The following KIF1A variants were observed in gnomAD, a reference collection of about 807,000 sequenced individuals.
KIF1A encodes the protein kinesin-like protein KIF1A.
In KIF1A, 46 loss-of-function variants were observed where a neutral mutation model predicts 227.3. The observed-to-expected ratio is 0.20, with a 90% CI of 0.16 to 0.26. The LOEUF (loss-of-function observed/expected upper bound fraction) is 0.26, where lower values mean the gene tolerates loss of function less well. KIF1A is among the 10% of genes least tolerant of loss of function. KIF1A has a pLI of 1.00. For missense variants in KIF1A, 1,683 were observed against 2,485.9 expected (o/e 0.68, Z 6.87); for synonymous variants, 1,022 against 1,012.8 (o/e 1.01, Z -0.17).
At chr2:240,769,740 G>C (rs2051697813) in intron 15 of KIF1A, 34 bp from the exon 16 acceptor site, 8 of 1,572,574 alleles carry the variant, frequency 5.1e-6, no homozygotes, top group Non-Finnish European at 7.0e-6. Context: ...TGAGCTGCCG[G>C]GGCTAGGGCC....
At chr2:240,731,253 CATGCCAGATGCCAGGT>C (rs937985836) in intron 38 of KIF1A, among the ~76,000 whole-genome samples, 1 of 151,252 alleles carries the variant, frequency 6.6e-6, no homozygotes, top group Non-Finnish European at 1.5e-5. Context: ...GGATGGTGGG[CATGCCAGATGCCAGGT>C]ATGCCAGATG....
chr2:240,771,204 GCAGA>G (rs757905677), intron 14 of KIF1A, 100 bp from the exon 15 acceptor site: 3 of 1,436,066 alleles, frequency 2.1e-6, no homozygotes, highest in South Asian at 1.2e-5. Flanking sequence ...GGTAGGGCGG[GCAGA>G]CAGACAGAGG....
rs768001154 is a variant in KIF1A, at chr2:240,760,811, T to C, written c.2298A>G (p.Thr766=). The C allele has an allele frequency of 3.7e-6, 6 of 1,605,858 alleles. No homozygotes were observed. In the East Asian group the frequency reaches 1.1e-4, roughly 30 times the overall value. The change falls in exon 25 of 49, where the codon ACA becomes ACG. Residue 766 remains threonine (T), a synonymous_variant. Coordinates refer to ENST00000498729, the MANE Select transcript of KIF1A (RefSeq NM_001244008.2). ...VQFQFVLLTD[T]LYSPLPPDLL... is the part of the protein sequence containing the mutation. ...GGTCGGGTGGCAGAGGGGAGTAGAGTGTGTCCGTCAGGAGGACAAACTGGA... is the reference window on the plus strand; with the variant it reads ...GGTCGGGTGGCAGAGGGGAGTAGAGCGTGTCCGTCAGGAGGACAAACTGGA...
intron 1 of KIF1A, among the ~76,000 whole-genome samples, chr2:240,805,733 T>C (rs1419815607): frequency 1.3e-5 from 2 of 152,194 alleles, no homozygotes; most frequent in East Asian, 3.8e-4. Flanking sequence ...TACTAGACCA[T>C]AAAGCAACTC....
At chr2:240,805,934 T>C (rs754427379) in intron 1 of KIF1A, among the ~76,000 whole-genome samples, 2 of 152,208 alleles carry the variant, frequency 1.3e-5, no homozygotes, top group Non-Finnish European at 2.9e-5. Context: ...AAAACACTAA[T>C]AGCAAAACAT....
chr2:240,774,391 A>ACCTCCCCCC (rs2052460351), intron 11 of KIF1A, 130 bp from the exon 12 acceptor site: 1 of 253,672 alleles, frequency 3.9e-6, no homozygotes, highest in African/African-American at 4.0e-5. Flanking sequence ...TCACAGGCTT[A>ACCTCCCCCC]CCCCCCCCCC....
chr2:240,794,201 C>T (rs1349918173), intron 2 of KIF1A, among the ~76,000 whole-genome samples: 2 of 152,226 alleles, frequency 1.3e-5, no homozygotes, highest in African/African-American at 4.8e-5. Context: ...TAGGGGACAT[C>T]CTTCTCTCCT....
intron 27 of KIF1A, among the ~76,000 whole-genome samples, chr2:240,756,865 CAGG>C (rs1387387950): frequency 6.6e-6 from 1 of 152,248 alleles, no homozygotes; most frequent in African/African-American, 2.4e-5. Context: ...TGTTGATTCC[CAGG>C]AGAATGACAG....
Position 240,723,997 on chromosome 2 carries a change from G to C in KIF1A, c.4296C>G (p.His1432Gln). Residue 1432 changes from histidine to glutamine, a missense_variant, in exon 41 of 49, where the codon CAC becomes CAG. Physicochemically the swap from His to Gln is conservative, Grantham distance 24. This residue lies in a region of KIF1A where 759 missense variants were observed against 1,020.2 expected (regional missense o/e 0.74). Transcript: ENST00000498729. ...VTGVYELSLC[H>Q]VADAGSPGMQ... ...TACCTGGGCTGCCCGCGTCAGCCACGTGGCACAGGCTGAGCTCGTACACAC... is the reference window on the plus strand; with the variant it reads ...TACCTGGGCTGCCCGCGTCAGCCACCTGGCACAGGCTGAGCTCGTACACAC... The C allele has an allele frequency of 6.2e-7, 1 of 1,612,548 alleles. No individual in the cohort carries two copies. The highest frequency in any genetic ancestry group is 8.5e-7 in the Non-Finnish European group (1 of 1,179,754).
rs1261997850 is a variant in KIF1A at position 240,758,309 on chromosome 2, A to ATC, written c.2582+49_2582+50dup. 26 of 1,568,444 alleles carry ATC rather than the reference A, an allele frequency of 1.7e-5. No individual in the cohort carries two copies. The highest frequency in any genetic ancestry group is 1.4e-4 in the Admixed American group (8 of 56,486). ...AGGGCCCACTCCTACCCCCACTGCC[A>ATC]TCTCTCTCTCTCAATCTCTCTCTCT... On this transcript the variant is annotated intron_variant, in intron 26 of 48. Coordinates refer to ENST00000498729, the MANE Select transcript of KIF1A (RefSeq NM_001244008.2). This position sits in a 1 kb window ranked among gnomAD's most constrained non-coding sequence, Gnocchi z 5.2.
intron 27 of KIF1A, among the ~76,000 whole-genome samples, chr2:240,755,127 G>A (rs2125853308): frequency 6.6e-6 from 1 of 152,316 alleles, no homozygotes; most frequent in Admixed American, 6.5e-5. Context: ...ATGGGCAGTG[G>A]TCACCAACCC....
At chr2:240,794,437 C>T (rs528898737) in intron 2 of KIF1A, among the ~76,000 whole-genome samples, 202 of 152,316 alleles carry the variant, frequency 1.3e-3, no homozygotes, top group African/African-American at 4.7e-3. Flanking sequence ...TGCCCTTTAC[C>T]CACACACGGC....
intron 31 of KIF1A, 34 bp from the exon 32 acceptor site, chr2:240,745,551 G>T: frequency 6.4e-7 from 1 of 1,565,904 alleles, no homozygotes. Flanking sequence ...GGTGTGGGGT[G>T]GGGGACTTGG....
intron 48 of KIF1A, 118 bp from the exon 49 acceptor site, chr2:240,717,524 T>G (rs983015531): frequency 1.5e-4 from 129 of 877,202 alleles, no homozygotes; most frequent in Non-Finnish European, 2.0e-4. Flanking sequence ...ATGTCCCCGC[T>G]GGTTCCCTCA....
rs1529663 is a variant in KIF1A, at chr2:240,723,566, G to A, written c.4319-8C>T. On this transcript the variant is annotated splice_polypyrimidine_tract_variant and splice_region_variant and intron_variant, in intron 41 of 48. Coordinates refer to ENST00000498729, the MANE Select transcript of KIF1A (RefSeq NM_001244008.2). ...GGCGCCGGCGCTGCATCCCTGCATGGGGCACGTGGACATTCCACCCCTACC... is the reference window on the plus strand; with the variant it reads ...GGCGCCGGCGCTGCATCCCTGCATGAGGCACGTGGACATTCCACCCCTACC... 9.8e-3 allele frequency: 15,010 copies of A among 1,529,832 alleles called. 776 individuals carry two copies. The African/African-American group carries it at 0.15, about 15-fold the overall frequency. 94.8% of individuals were successfully genotyped at this position (1,529,832 alleles called of 1,614,324 possible).
At chr2:240,796,295 C>T (rs576762969) in intron 2 of KIF1A, among the ~76,000 whole-genome samples, 14 of 152,230 alleles carry the variant, frequency 9.2e-5, no homozygotes, top group Admixed American at 2.0e-4. Flanking sequence ...GCACTTTCTC[C>T]GACCACAAAA....
intron 1 of KIF1A, among the ~76,000 whole-genome samples, chr2:240,804,522 C>T (rs988335452): frequency 3.3e-5 from 5 of 152,182 alleles, no homozygotes; most frequent in African/African-American, 4.8e-5. Context: ...AATTTGGTTT[C>T]ACCTGCTGTG....
chr2:240,783,941 C>T, intron 7 of KIF1A, 125 bp from the exon 8 acceptor site: 3 of 720,758 alleles, frequency 4.2e-6, no homozygotes, highest in South Asian at 3.2e-5. Flanking sequence ...CTGCAAGGCG[C>T]CGCCCCTCCC....
rs1311661076 is a variant in KIF1A, at chr2:240,714,688, T to A, written c.*2676A>T. On this transcript the variant is annotated 3_prime_UTR_variant, in exon 49 of 49. Coordinates refer to ENST00000498729, the MANE Select transcript of KIF1A (RefSeq NM_001244008.2). Reference sequence around the variant, plus strand: ...GAAGGCAGCTAACGTGGTCCCTAGGTGGTTTCTGGCAGAGCGAACTTTTCA... The same window carrying A: ...GAAGGCAGCTAACGTGGTCCCTAGGAGGTTTCTGGCAGAGCGAACTTTTCA... 1.3e-5 allele frequency: 2 copies of A among 152,080 alleles called. No homozygotes were observed. Among genetic ancestry groups the A allele is most frequent in the African/African-American group, 4.8e-5 (2 of 41,378 alleles). 9.4% of individuals were successfully genotyped at this position (152,080 alleles called of 1,614,324 possible). A position where few individuals can be genotyped will look rare whatever the true frequency, so the allele number is the denominator to read the frequency against.
Sources: gnomAD v4.1 joint callset for allele counts (sites outside exome capture counted in the v4.1 genomes callset) on GRCh38, gnomAD v4.1.1 for gene constraint, gnomAD v4.1.1 regional missense constraint, Gnocchi (gnomAD v3.1) non-coding constraint, MANE v1.5 for transcripts, NCBI Gene and HGNC (gene_info 2026-07-23, HGNC 2026-07-21) for gene names.